Variants in NEDD4L observed in about 807,000 individuals in gnomAD.
The protein encoded by NEDD4L is NEDD4 like E3 ubiquitin protein ligase.
A neutral mutation model predicts 148.9 loss-of-function variants in NEDD4L; 54 were observed. That is an observed-to-expected ratio of 0.36 (90% CI 0.29 to 0.45). The LOEUF is 0.45. Ranked by LOEUF, NEDD4L falls within the 20% of genes least tolerant of loss-of-function variation. The pLI, the probability that NEDD4L is intolerant of heterozygous loss-of-function variation, is 1.00. For missense variants in NEDD4L, 856 were observed against 1,233.8 expected, an observed-to-expected ratio of 0.69 and a Z score of 4.59; for synonymous variants, 433 against 440.7, an observed-to-expected ratio of 0.98 and a Z score of 0.22.
At chr18:58,102,337 C>T (rs1286675962) in intron 1 of NEDD4L, among the ~76,000 whole-genome samples, 1 of 152,190 alleles carries the variant, frequency 6.6e-6, no homozygotes, top group Non-Finnish European at 1.5e-5. Context: ...ACTATAACGG[C>T]TCACTTTCCT....
At chr18:58,045,194 C>A in intron 1 of NEDD4L, 1 of 398,652 alleles carries the variant, frequency 2.5e-6, no homozygotes, top group South Asian at 1.3e-4. Context: ...AGCAGGCGCT[C>A]AGAAGCCTGT....
At chr18:58,184,234 C>T (rs2039193431) in intron 2 of NEDD4L, among the ~76,000 whole-genome samples, 1 of 152,132 alleles carries the variant, frequency 6.6e-6, no homozygotes, top group African/African-American at 2.4e-5. Flanking sequence ...TTTAGTGTCA[C>T]CATTCTTTTA....
In NEDD4L at chr18:58,329,658, A is replaced by T. The variant is rs77932180; in HGVS notation, c.813+531A>T. ...TAGGTGCATGCCATCACAATGGCTA[A>T]TTTTTTTTTTTTTTTTTTTTCCTAG... is the stretch of plus-strand genomic sequence containing the variant. On this transcript the variant is annotated intron_variant, in intron 10 of 30. Coordinates refer to ENST00000400345, the MANE Select transcript of NEDD4L (RefSeq NM_001144967.3). 1.7e-4 allele frequency among the ~76,000 whole-genome samples: 23 copies of T among 135,546 alleles called. No individual in the cohort carries two copies. In the East Asian group the frequency reaches 3.6e-3, roughly 21 times the overall value. 88.9% of individuals were successfully genotyped at this position (135,546 alleles called of 152,430 possible).
At chr18:58,281,617 A>G (rs1466198233) in intron 5 of NEDD4L, among the ~76,000 whole-genome samples, 3 of 152,162 alleles carry the variant, frequency 2.0e-5, no homozygotes, top group South Asian at 2.1e-4. Flanking sequence ...AAATGAGTCA[A>G]TAACAACTTC....
intron 5 of NEDD4L, among the ~76,000 whole-genome samples, chr18:58,309,221 T>C (rs1301467676): frequency 6.6e-6 from 1 of 152,178 alleles, no homozygotes; most frequent in Non-Finnish European, 1.5e-5. Context: ...ATCAGTGGCA[T>C]GGACCTTTTA....
In NEDD4L at chr18:58,366,978, T is replaced by A. The variant is rs965112745; in HGVS notation, c.2063+750T>A. On this transcript the variant is annotated intron_variant, in intron 21 of 30. Transcript: ENST00000400345. This position sits in a 1 kb window ranked among gnomAD's most constrained non-coding sequence, Gnocchi z 4.2. Reference sequence around the variant, plus strand: ...GCCGCCTCAGTACATTCTTCCTGGTTGCTCTAGCCAAGAATTGCCCAATTG... The same window carrying A: ...GCCGCCTCAGTACATTCTTCCTGGTAGCTCTAGCCAAGAATTGCCCAATTG... 2 of 152,312 alleles carry A rather than the reference T, an allele frequency of 1.3e-5. No individual in the cohort carries two copies. Among genetic ancestry groups the A allele is most frequent in the African/African-American group, 4.8e-5 (2 of 41,472 alleles). 9.4% of individuals were successfully genotyped at this position (152,312 alleles called of 1,614,324 possible). A position where few individuals can be genotyped will look rare whatever the true frequency, so the allele number is the denominator to read the frequency against.
chr18:58,176,525 T>C (rs759650904), intron 2 of NEDD4L, among the ~76,000 whole-genome samples: 1 of 152,126 alleles, frequency 6.6e-6, no homozygotes, highest in Non-Finnish European at 1.5e-5. Flanking sequence ...TATAGAGGTG[T>C]TGTCTTGCTG....
At chr18:58,185,930 A>G (rs1033497593) in intron 2 of NEDD4L, among the ~76,000 whole-genome samples, 1 of 152,150 alleles carries the variant, frequency 6.6e-6, no homozygotes, top group African/African-American at 2.4e-5. Context: ...GAATGCCTGT[A>G]CTCTTAGACC....
At chr18:58,320,786 G>A (rs2058704645) in intron 6 of NEDD4L, among the ~76,000 whole-genome samples, 3 of 152,138 alleles carry the variant, frequency 2.0e-5, no homozygotes, top group African/African-American at 7.2e-5. Flanking sequence ...CTATACTCCA[G>A]CCTGGACAGC....
intron 2 of NEDD4L, among the ~76,000 whole-genome samples, chr18:58,175,670 C>A (rs973043219): frequency 1.3e-5 from 2 of 152,232 alleles, no homozygotes; most frequent in African/African-American, 4.8e-5. Context: ...CTGTGAGAGC[C>A]CCAGAGGATC....
chr18:58,212,189 C>T lies in NEDD4L; in HGVS notation c.123-33238C>T, dbSNP rs7235848. 4.0e-3 allele frequency among the ~76,000 whole-genome samples: 608 copies of T among 152,184 alleles called. 6 individuals carry two copies. Among genetic ancestry groups the T allele is most frequent in the African/African-American group, 0.013 (543 of 41,520 alleles). On this transcript the variant is annotated intron_variant, in intron 2 of 30. Coordinates refer to ENST00000400345, the MANE Select transcript of NEDD4L (RefSeq NM_001144967.3). ...TCTGTCAGGCTGGAGTGCAGTGGCG[C>T]GATCAGGGCTCACTGCAGCCTTGAC... is the stretch of plus-strand genomic sequence containing the variant.
intron 1 of NEDD4L, among the ~76,000 whole-genome samples, chr18:58,120,407 G>A (rs1197881616): frequency 6.6e-6 from 1 of 152,180 alleles, no homozygotes; most frequent in Admixed American, 6.5e-5. Flanking sequence ...TTGTGAGGAT[G>A]GAATGAGGTA....
chr18:58,214,815 T>TTTTTG (rs1291603873), intron 2 of NEDD4L, among the ~76,000 whole-genome samples: 9,581 of 126,310 alleles, frequency 0.076, 318 homozygotes, highest in South Asian at 0.14. Flanking sequence ...TTTTTTTTTT[T>TTTTTG]TTGTTGTTGT....
At chr18:58,240,556 A>G (rs927951794) in intron 2 of NEDD4L, among the ~76,000 whole-genome samples, 21 of 152,182 alleles carry the variant, frequency 1.4e-4, no homozygotes, top group African/African-American at 5.1e-4. Flanking sequence ...TGGAGTTGGC[A>G]TGGATTCCCT....
rs183692333 is a variant in NEDD4L, at chr18:58,183,945, G to A, written c.122+18084G>A. Among the ~76,000 whole-genome samples the A allele has an allele frequency of 9.2e-5, 14 of 152,238 alleles. No homozygotes were observed. In the South Asian group the frequency reaches 1.7e-3, roughly 18 times the overall value. ...AGCACTTTGGGAGGCCAAGGCGGGCGGATCATGAGGTCAGGAGATCAAGGC... is the reference window on the plus strand; with the variant it reads ...AGCACTTTGGGAGGCCAAGGCGGGCAGATCATGAGGTCAGGAGATCAAGGC... On this transcript the variant is annotated intron_variant, in intron 2 of 30. Transcript: ENST00000400345.
chr18:58,109,768 C>T lies in NEDD4L; in HGVS notation c.49-56020C>T, dbSNP rs140311878. On this transcript the variant is annotated intron_variant, in intron 1 of 30. Coordinates refer to ENST00000400345, the MANE Select transcript of NEDD4L (RefSeq NM_001144967.3). ...TATTTTTAGTAGAGACGGGGTTTCG[C>T]CATGTTGGCCAGGCTGGTCTCTAAC... Among the ~76,000 whole-genome samples, 499 of 152,068 alleles carry T rather than the reference C, an allele frequency of 3.3e-3. 5 individuals are homozygous for T. Among genetic ancestry groups the T allele is most frequent in the African/African-American group, 0.011 (453 of 41,470 alleles).
chr18:58,291,576 A>G (rs1297523613), intron 5 of NEDD4L, among the ~76,000 whole-genome samples: 2 of 152,112 alleles, frequency 1.3e-5, no homozygotes, highest in Admixed American at 6.6e-5. Flanking sequence ...CCCCCATTGT[A>G]CCAATTGCCT....
At chr18:58,297,473 T>C (rs1016654223) in intron 5 of NEDD4L, among the ~76,000 whole-genome samples, 1 of 152,184 alleles carries the variant, frequency 6.6e-6, no homozygotes, top group Non-Finnish European at 1.5e-5. Context: ...TGTGGTTTTG[T>C]TGGAAGAGAA....
At chr18:58,158,341 T>G (rs1302908475) in intron 1 of NEDD4L, among the ~76,000 whole-genome samples, 2 of 152,164 alleles carry the variant, frequency 1.3e-5, no homozygotes, top group East Asian at 1.9e-4. Flanking sequence ...TCTTCCATAT[T>G]CTATTAGAAA....
Sources: gnomAD v4.1 joint callset for allele counts (sites outside exome capture counted in the v4.1 genomes callset) on GRCh38, gnomAD v4.1.1 for gene constraint, Gnocchi (gnomAD v3.1) non-coding constraint, MANE v1.5 for transcripts, NCBI Gene and HGNC (gene_info 2026-07-23, HGNC 2026-07-21) for gene names.